PMEPA1: variants seen among roughly 807,000 people sequenced by gnomAD.
PMEPA1 encodes prostate transmembrane protein, androgen induced 1, also known as protein TMEPAI.
Under a neutral mutation model 23.0 loss-of-function variants are expected in PMEPA1, and 11 were observed. The ratio of observed to expected loss-of-function variants is 0.48; its 90% CI spans 0.30 to 0.79. The LOEUF (loss-of-function observed/expected upper bound fraction) is 0.79, where lower values mean the gene tolerates loss of function less well. Among genes scored for constraint, PMEPA1 ranks in the 30% least tolerant of loss-of-function variants. PMEPA1 has a pLI of 0.06. For synonymous variants in PMEPA1, 204 were observed against 166.4 expected (o/e 1.23, Z -1.74); for missense variants, 377 against 390.9 (o/e 0.96, Z 0.30).
rs2071269951 is a variant in PMEPA1, at chr20:57,652,797, C to T, written c.319-199G>A. Among the ~76,000 whole-genome samples the T allele has an allele frequency of 6.6e-6, 1 of 152,154 alleles. No individual in the cohort carries two copies. Among genetic ancestry groups the T allele is most frequent in the South Asian group, 2.1e-4 (1 of 4,830 alleles). On this transcript the variant is annotated intron_variant, in intron 3 of 3. Coordinates refer to ENST00000341744, the MANE Select transcript of PMEPA1 (RefSeq NM_020182.5). The surrounding 1 kb of genome is among the most constrained non-coding windows in gnomAD (Gnocchi z 6.1). ...TGGGGGGCAGCACTGCAGAGCTGCA[C>T]CGCCCTCCTCCAAACAGTGGCAGCG...
At chr20:57,668,107 C>A (rs1015586444) in intron 1 of PMEPA1, among the ~76,000 whole-genome samples, 2 of 152,156 alleles carry the variant, frequency 1.3e-5, no homozygotes, top group Non-Finnish European at 2.9e-5. Context: ...GTGGCAAGCA[C>A]ACGGCTGAGC....
In PMEPA1 at chr20:57,655,312, G is replaced by A. The variant is rs536687299; in HGVS notation, c.265-2226C>T. On this transcript the variant is annotated intron_variant, in intron 2 of 3. Coordinates refer to ENST00000341744, the MANE Select transcript of PMEPA1 (RefSeq NM_020182.5). The surrounding 1 kb of genome is among the most constrained non-coding windows in gnomAD (Gnocchi z 4.2). The stretch of plus-strand genomic sequence containing the variant: ...AGAGCTCTCCGTTAGCCCCCCAGGC[G>A]GGTCAGGCACCTCCTCCCATCTCCT... Among the ~76,000 whole-genome samples, 383 of 152,198 alleles carry A rather than the reference G, an allele frequency of 2.5e-3. 1 individual carries two copies. The highest frequency in any genetic ancestry group is 7.5e-3 in the African/African-American group (313 of 41,524).
At chr20:57,657,124 A>T (rs6025709) in intron 2 of PMEPA1, among the ~76,000 whole-genome samples, 12 of 152,124 alleles carry the variant, frequency 7.9e-5, no homozygotes, top group Admixed American at 6.5e-4. Context: ...CTCCTGCTCC[A>T]CAACAGTGAA....
chr20:57,690,347 C>T (rs1201078245), intron 1 of PMEPA1: 7 of 1,030,900 alleles, frequency 6.8e-6, no homozygotes, highest in African/African-American at 1.7e-5. Context: ...TGCATCAGCG[C>T]TACACATGCA....
chr20:57,677,064 G>A (rs1252542283), intron 1 of PMEPA1, among the ~76,000 whole-genome samples: 1 of 152,210 alleles, frequency 6.6e-6, no homozygotes, highest in Non-Finnish European at 1.5e-5. Context: ...CCACCCCAAG[G>A]CCTTTGCACA....
Position 57,651,890 on chromosome 20 carries a change from C to A in PMEPA1, c.*163G>T. On this transcript the variant is annotated 3_prime_UTR_variant, in exon 4 of 4. Transcript: ENST00000341744. ...TGCAAGCTCTCTTAGCTTGTGCATT[C>A]AGACCAGACATCACATGTAAATATT... The A allele has an allele frequency of 3.4e-5, 13 of 377,520 alleles. No homozygotes were observed. The highest frequency in any genetic ancestry group is 4.7e-5 in the Admixed American group (1 of 21,234). 23.4% of individuals were successfully genotyped at this position (377,520 alleles called of 1,614,324 possible).
At chr20:57,711,240 A>G (rs1374445129), upstream of PMEPA1, 1 of 152,200 alleles carries the variant, frequency 6.6e-6, no homozygotes, top group Non-Finnish European at 1.5e-5. Flanking sequence ...TTTAAAAATT[A>G]TTGTTACTGT....
At chr20:57,696,608 C>T (rs2071946027) in intron 1 of PMEPA1, among the ~76,000 whole-genome samples, 1 of 152,228 alleles carries the variant, frequency 6.6e-6, no homozygotes, top group Non-Finnish European at 1.5e-5. Context: ...GCCGCGACGT[C>T]ACCGGCAAGA....
chr20:57,710,128 G>T, upstream of PMEPA1: 1 of 777,790 alleles, frequency 1.3e-6, no homozygotes, highest in Non-Finnish European at 1.6e-6. Flanking sequence ...GCCGGGGGGC[G>T]GGGTGACGGG....
chr20:57,693,915 C>T (rs1369066739), intron 1 of PMEPA1, among the ~76,000 whole-genome samples: 3 of 152,208 alleles, frequency 2.0e-5, no homozygotes, highest in Non-Finnish European at 4.4e-5. Context: ...TCATCAGCAG[C>T]AGGCTGAGAT....
intron 1 of PMEPA1, among the ~76,000 whole-genome samples, chr20:57,700,946 C>T (rs543905445): frequency 3.9e-5 from 6 of 151,956 alleles, no homozygotes; most frequent in Non-Finnish European, 8.8e-5. Context: ...AGGAGAATCA[C>T]TTGAACCCGG....
At chr20:57,710,775 T>C (rs1373917482), upstream of PMEPA1, 3 of 358,570 alleles carry the variant, frequency 8.4e-6, no homozygotes, top group Non-Finnish European at 1.5e-5. Context: ...TTTAGTTCAT[T>C]AAGTTTTAAT....
At chr20:57,662,773 C>G (rs756032124) in intron 1 of PMEPA1, among the ~76,000 whole-genome samples, 1 of 152,142 alleles carries the variant, frequency 6.6e-6, no homozygotes, top group African/African-American at 2.4e-5. Context: ...CCCAGTTCCC[C>G]CTTCCCCAGC....
intron 1 of PMEPA1, among the ~76,000 whole-genome samples, chr20:57,694,409 T>G (rs1012820441): frequency 6.6e-6 from 1 of 152,248 alleles, no homozygotes. Flanking sequence ...AAATCGACAA[T>G]GTGCTTGTTA....
Position 57,709,501 on chromosome 20 carries a change from GT to G in PMEPA1, c.81del (p.Lys27AsnfsTer24). 1 of 1,140,354 alleles carries G rather than the reference GT, an allele frequency of 8.8e-7. No individual in the cohort carries two copies. The allele number at this position is 1,140,354 out of a possible 1,614,324, so 70.6% of individuals were successfully genotyped here. On this transcript the variant is annotated frameshift_variant, in exon 1 of 4. Transcript: ENST00000341744. LOFTEE classifies it high-confidence loss of function. Reference sequence around the variant, plus strand: ...ATCTCCATGCTCTGGAACAAAGAGCGTTTGCAGTTGCACGTGCAGGAGACAT... The same window carrying G: ...ATCTCCATGCTCTGGAACAAAGAGCGTTGCAGTTGCACGTGCAGGAGACAT... ...QPNVSCTCNC[K>X]RSLFQSMEIT... is the part of the protein sequence containing the mutation.
intron 1 of PMEPA1, chr20:57,691,772 T>C (rs1294009069): frequency 3.9e-5 from 6 of 152,184 alleles, no homozygotes; most frequent in African/African-American, 1.4e-4. Context: ...AGACTGTCCA[T>C]TTCATGCTCA....
intron 1 of PMEPA1, among the ~76,000 whole-genome samples, chr20:57,686,970 T>G (rs535867089): frequency 6.6e-6 from 1 of 152,274 alleles, no homozygotes; most frequent in East Asian, 1.9e-4. Context: ...TGATGGGCTA[T>G]GTCAGAGGAC....
At position 57,698,060 on chromosome 20, in the gene PMEPA1, T is replaced by C. The variant is rs527827450; in HGVS notation, c.109+11414A>G. ...TTTTAAAGAGGCAACATTCTCTGCA[T>C]CTGTGGCTTATGACTTGAAACGTCT... On this transcript the variant is annotated intron_variant, in intron 1 of 3. Transcript: ENST00000341744. 1.8e-4 allele frequency among the ~76,000 whole-genome samples: 28 copies of C among 152,314 alleles called. No individual in the cohort carries two copies. In the South Asian group the frequency reaches 5.4e-3, roughly 29 times the overall value.
rs374170567 is a variant in PMEPA1, at chr20:57,661,744, C to T, written c.110-2047G>A. Among the ~76,000 whole-genome samples the T allele has an allele frequency of 1.0e-3, 154 of 152,350 alleles. 1 individual carries two copies. The highest frequency in any genetic ancestry group is 3.7e-3 in the African/African-American group (152 of 41,576). On this transcript the variant is annotated intron_variant, in intron 1 of 3. Transcript: ENST00000341744. The stretch of plus-strand genomic sequence containing the variant: ...CGGGGGGCCCAGCCATCTCCTGCCA[C>T]CAGCCTCGCTCTCCCCAAGGCAGGA...
Sources: allele counts gnomAD v4.1 joint callset (sites outside exome capture counted in the v4.1 genomes callset), GRCh38; gene constraint gnomAD v4.1.1; non-coding constraint Gnocchi (gnomAD v3.1); transcripts MANE v1.5; gene names NCBI Gene and HGNC (gene_info 2026-07-23, HGNC 2026-07-21).